GCC2: variants seen among roughly 807,000 people sequenced by gnomAD.
GCC2 encodes GRIP and coiled-coil domain containing 2.
GCC2 carries 120 observed loss-of-function variants against 210.6 expected under a neutral mutation model. That is an observed-to-expected ratio of 0.57 (90% CI 0.49 to 0.66). The LOEUF is 0.66. Ranked by LOEUF, GCC2 falls within the 30% of genes least tolerant of loss-of-function variation. GCC2 has a pLI of 0.00. For synonymous variants in GCC2, 703 were observed against 652.7 expected (o/e 1.08, Z -1.17); for missense variants, 1,868 against 1,871.9 (o/e 1.00, Z 0.04).
chr2:108,452,550 G>A, intron 4 of GCC2, 84 bp downstream of exon 4: 1 of 839,470 alleles, frequency 1.2e-6, no homozygotes, highest in Non-Finnish European at 2.0e-6. Flanking sequence ...CTGGCTTTCT[G>A]TTTCTGTTCT....
chr2:108,465,958 T>C (rs1680860569), intron 4 of GCC2, among the ~76,000 whole-genome samples: 1 of 152,124 alleles, frequency 6.6e-6, no homozygotes, highest in Non-Finnish European at 1.5e-5. Context: ...AGGTTCAAGC[T>C]GTTCTCCCTC....
At chr2:108,466,329 C>G (rs554544932) in intron 4 of GCC2, among the ~76,000 whole-genome samples, 15 of 152,188 alleles carry the variant, frequency 9.9e-5, no homozygotes, top group Middle Eastern at 6.8e-3. Flanking sequence ...GCATCAGCCA[C>G]CACACCCGGC....
chr2:108,449,772 G>C, intron 2 of GCC2, 83 bp downstream of exon 2: 2,569 of 885,194 alleles, frequency 2.9e-3, no homozygotes, highest in Non-Finnish European at 4.3e-3. Flanking sequence ...GAAGGGGGGG[G>C]CGCTGATTTT....
intron 17 of GCC2, among the ~76,000 whole-genome samples, chr2:108,488,493 A>G (rs1682254122): frequency 1.3e-5 from 2 of 152,230 alleles, no homozygotes; most frequent in Admixed American, 6.5e-5. Context: ...TAAAAATTAA[A>G]ATGCTAAGCA....
Position 108,458,722 on chromosome 2 carries a change from T to A in GCC2, c.216+6256T>A, listed in dbSNP as rs187138333. Among the ~76,000 whole-genome samples, 38 of 152,278 alleles carry A rather than the reference T, an allele frequency of 2.5e-4. No individual in the cohort carries two copies. In the East Asian group the frequency reaches 5.2e-3, roughly 21 times the overall value. On this transcript the variant is annotated intron_variant, in intron 4 of 22. Transcript: ENST00000309863. ...CAGTTTGTGGGTGCATAGCTGTTCA[T>A]AATATTCTCTGATGGTCTATTTATT...
chr2:108,468,987 C>T lies in GCC2; in HGVS notation c.224C>T (p.Thr75Ile). Residue 75 changes from threonine (T) to isoleucine (I), a missense_variant, in exon 5 of 23, where the codon ACT (threonine) becomes ATT (isoleucine). By Grantham distance (89) the Thr-to-Ile change is moderately conservative. Around this residue, in one of 3 missense-constraint regions of GCC2, gnomAD observed 1,847 missense variants for 1,765.2 expected, o/e 1.05. Coordinates refer to ENST00000309863, the MANE Select transcript of GCC2 (RefSeq NM_181453.4). ...AATCTTGTTCTAAAATAGGCATTAA[C>T]TGAACGTCTGGATGCTCTTCTTCTG... is the stretch of plus-strand genomic sequence containing the variant. ...EGTGDIIKAL[T>I]ERLDALLLEK... The T allele has an allele frequency of 6.2e-7, 1 of 1,607,630 alleles. No homozygotes were observed. The highest frequency in any genetic ancestry group is 8.5e-7 in the Non-Finnish European group (1 of 1,174,418).
intron 4 of GCC2, 116 bp downstream of exon 4, chr2:108,452,582 T>A (rs891046987): frequency 1.9e-5 from 13 of 693,588 alleles, no homozygotes; most frequent in Non-Finnish European, 3.1e-5. Context: ...GCCTTGGTTG[T>A]TTTTACCTAT....
At chr2:108,462,584 A>AGG in intron 4 of GCC2, 1 of 110,252 alleles carries the variant, frequency 9.1e-6, no homozygotes, top group Non-Finnish European at 1.8e-5. Context: ...TTTTTTTGAG[A>AGG]CAGAGTCTTG....
intron 22 of GCC2, among the ~76,000 whole-genome samples, chr2:108,503,849 C>CTGT (rs1434844048): frequency 7.2e-5 from 11 of 152,164 alleles, no homozygotes; most frequent in African/African-American, 2.2e-4. Flanking sequence ...TGACTCACAC[C>CTGT]TGTAAGCCCA....
intron 4 of GCC2, among the ~76,000 whole-genome samples, chr2:108,458,628 A>G (rs1400905088): frequency 6.6e-6 from 1 of 150,912 alleles, no homozygotes; most frequent in Non-Finnish European, 1.5e-5. Flanking sequence ...CAGGTTTTCT[A>G]TTTTTTCCTG....
chr2:108,465,414 A>G (rs1573360695), intron 4 of GCC2, among the ~76,000 whole-genome samples: 2 of 152,260 alleles, frequency 1.3e-5, no homozygotes, highest in African/African-American at 4.8e-5. Flanking sequence ...GATGAATTAT[A>G]TAGTGGTGAA....
intron 4 of GCC2, among the ~76,000 whole-genome samples, chr2:108,456,947 A>AT (rs910693852): frequency 6.4e-5 from 6 of 93,552 alleles, no homozygotes; most frequent in African/African-American, 1.5e-4. Context: ...GAGCCCTTAC[A>AT]TAAAAAAAAA....
At position 108,495,346 on chromosome 2, in the gene GCC2, C is replaced by A; in HGVS notation, c.4503C>A (p.Asp1501Glu). The change falls in exon 20 of 23, where the codon GAC becomes GAA. Residue 1501 changes from aspartate to glutamate, a missense_variant. Transcript: ENST00000309863. ...ACCTTCGAGAAAGGAGAAACACAGA[C>A]CTCCCGCTTCTAGACATGCACACTG... Reference protein sequence around the residue: ...LKNLRERRNTDLPLLDMHTVT... With the variant: ...LKNLRERRNTELPLLDMHTVT... The A allele has an allele frequency of 6.3e-7, 1 of 1,578,018 alleles. No individual in the cohort carries two copies. Among genetic ancestry groups the A allele is most frequent in the East Asian group, 2.2e-5 (1 of 44,794 alleles).
intron 4 of GCC2, among the ~76,000 whole-genome samples, chr2:108,453,473 T>C (rs1340256203): frequency 6.6e-6 from 1 of 152,180 alleles, no homozygotes; most frequent in African/African-American, 2.4e-5. Flanking sequence ...AAATATTGTT[T>C]TTATTCCCCG....
chr2:108,485,758 A>T, intron 14 of GCC2, 22 bp downstream of exon 14: 1 of 1,493,320 alleles, frequency 6.7e-7, no homozygotes. Flanking sequence ...TTTCAGTTTC[A>T]TATTTAGTAC....
At position 108,449,630 on chromosome 2, in the gene GCC2, C is replaced by T. The variant is rs1426236261; in HGVS notation, c.7-3C>T. ...GACACCTGGGTTTGATTTTGTTTTGCAGGATCTTGTTCAAGATGGGGTGGC... is the reference window on the plus strand; with the variant it reads ...GACACCTGGGTTTGATTTTGTTTTGTAGGATCTTGTTCAAGATGGGGTGGC... On this transcript the variant is annotated splice_region_variant and splice_polypyrimidine_tract_variant and intron_variant, in intron 1 of 22. Coordinates refer to ENST00000309863, the MANE Select transcript of GCC2 (RefSeq NM_181453.4). 9 of 1,613,318 alleles carry T rather than the reference C, an allele frequency of 5.6e-6. No individual in the cohort carries two copies. Among genetic ancestry groups the T allele is most frequent in the Non-Finnish European group, 7.6e-6 (9 of 1,179,278 alleles).
rs2104504181 is a variant in GCC2 at position 108,495,459 on chromosome 2, T to C, written c.4616T>C (p.Leu1539Pro). ...ACATACACACAGTCTTTAGAGCAGC[T>C]GCTTAACTCTCCCGAAACTAAACTT... ...ASTYTQSLEQ[L>P]LNSPETKLEP... The change falls in exon 20 of 23, where the codon CTG becomes CCG. Residue 1539 changes from leucine to proline, a missense_variant. Physicochemically the swap from Leu to Pro is moderately conservative, Grantham distance 98. Coordinates refer to ENST00000309863, the MANE Select transcript of GCC2 (RefSeq NM_181453.4). 3 of 1,592,882 alleles carry C rather than the reference T, an allele frequency of 1.9e-6. No individual in the cohort carries two copies. Among genetic ancestry groups the C allele is most frequent in the Non-Finnish European group, 2.5e-6 (3 of 1,178,416 alleles).
intron 19 of GCC2, among the ~76,000 whole-genome samples, 154 bp downstream of exon 19, chr2:108,492,944 A>T (rs1037909027): frequency 1.3e-5 from 2 of 152,244 alleles, no homozygotes; most frequent in African/African-American, 4.8e-5. Flanking sequence ...TACTAGAAAG[A>T]TAATTGAACC....
chr2:108,457,390 G>T (rs149340329), intron 4 of GCC2, among the ~76,000 whole-genome samples: 37 of 152,132 alleles, frequency 2.4e-4, no homozygotes, highest in African/African-American at 7.9e-4. Flanking sequence ...GGTTTCTATA[G>T]CCTCGTAATA....
Sources: gnomAD v4.1 joint callset for allele counts (sites outside exome capture counted in the v4.1 genomes callset) on GRCh38, gnomAD v4.1.1 for gene constraint, gnomAD v4.1.1 regional missense constraint, MANE v1.5 for transcripts, NCBI Gene and HGNC (gene_info 2026-07-23, HGNC 2026-07-21) for gene names.